HLA-DQA1: variants seen among roughly 807,000 people sequenced by gnomAD.
HLA-DQA1 encodes the protein HLA class II histocompatibility antigen, DQ alpha 1 chain.
In HLA-DQA1, 10 loss-of-function variants were observed where a neutral mutation model predicts 20.7. That is an observed-to-expected ratio of 0.48 (90% confidence interval 0.30 to 0.82). HLA-DQA1 has a LOEUF of 0.82. Among genes scored for constraint, HLA-DQA1 ranks in the 40% least tolerant of loss-of-function variants. The pLI is 0.07. For synonymous variants in HLA-DQA1, 39 were observed against 109.2 expected (o/e 0.36, Z 4.01); for missense variants, 127 against 293.0 (o/e 0.43, Z 4.14).
In HLA-DQA1 at chr6:32,642,788, A is replaced by G. The variant is rs939483506; in HGVS notation, c.*20+4A>G. Reference sequence around the variant, plus strand: ...GAATCCCATCCTGGAAGGGAAGGTAAGATTGAGACTGGTTACAGTTGAAGC... The same window carrying G: ...GAATCCCATCCTGGAAGGGAAGGTAGGATTGAGACTGGTTACAGTTGAAGC... On this transcript the variant is annotated splice_donor_region_variant and intron_variant, in intron 4 of 4. Coordinates refer to ENST00000343139, the MANE Select transcript of HLA-DQA1 (RefSeq NM_002122.5). The G allele has an allele frequency of 7.3e-5, 81 of 1,115,084 alleles. 27 individuals carry two copies. Among genetic ancestry groups the G allele is most frequent in the Non-Finnish European group, 9.7e-5 (77 of 790,656 alleles). The allele number at this position is 1,115,084 out of a possible 1,614,324, so 69.1% of individuals were successfully genotyped here.
At chr6:32,643,951 A>G (rs1781696103), downstream of HLA-DQA1, 1 of 150,438 alleles carries the variant, frequency 6.6e-6, no homozygotes, top group Non-Finnish European at 1.5e-5. Context: ...AAGCTGTACT[A>G]GATAACCATG....
At chr6:32,652,518 C>T in the HLA-DQA1 span, among the ~76,000 whole-genome samples, 1 of 151,648 alleles carries the variant, frequency 6.6e-6, no homozygotes, top group Admixed American at 6.6e-5. Context: ...ATAGCAGTTC[C>T]TTGGCAAGCA....
At chr6:32,652,981 T>TA in the HLA-DQA1 span, among the ~76,000 whole-genome samples, 1 of 149,624 alleles carries the variant, frequency 6.7e-6, no homozygotes, top group East Asian at 2.0e-4. Context: ...GGAAAGGGTT[T>TA]AGGACATTTA....
Position 32,642,375 on chromosome 6 carries a change from C to CTTT in HLA-DQA1, c.613+130_613+132dup, listed in dbSNP as rs202014999. The CTTT allele has an allele frequency of 3.7e-3, 1,765 of 471,030 alleles. 5 individuals are homozygous for CTTT. The highest frequency in any genetic ancestry group is 4.4e-3 in the Non-Finnish European group (1,323 of 301,116). The allele number at this position is 471,030 out of a possible 1,614,324, so 29.2% of individuals were successfully genotyped here. A position where few individuals can be genotyped will look rare whatever the true frequency, so the allele number is the denominator to read the frequency against. ...CTTCATGGGTTTCTTTTCTGTCTCT[C>CTTT]TTTTTTTTTTGAAAGAATAAAGCAA... On this transcript the variant is annotated intron_variant, in intron 3 of 4. Transcript: ENST00000343139.
intron 1 of HLA-DQA1, among the ~76,000 whole-genome samples, chr6:32,640,150 C>T (rs9272618): frequency 0.076 from 6,359 of 83,724 alleles, 887 homozygotes; most frequent in East Asian, 0.17. Flanking sequence ...TGTAGTTTGT[C>T]TTGCTTGGCA....
rs3187964 is a variant in HLA-DQA1, at chr6:32,637,430, C to A, written c.-29C>A. The A allele has an allele frequency of 3.3e-6, 3 of 916,428 alleles. No homozygotes were observed. The highest frequency in any genetic ancestry group is 4.7e-6 in the Non-Finnish European group (3 of 642,728). The allele number at this position is 916,428 out of a possible 1,614,324, so 56.8% of individuals were successfully genotyped here. ...CACAATTACTCTACAGCTCAGAACA[C>A]CAACTGCTGAGGCTGCCTTGGGAAG... is the stretch of plus-strand genomic sequence containing the variant. On this transcript the variant is annotated 5_prime_UTR_variant, in exon 1 of 5. Coordinates refer to ENST00000343139, the MANE Select transcript of HLA-DQA1 (RefSeq NM_002122.5).
downstream of HLA-DQA1, among the ~76,000 whole-genome samples, chr6:32,648,075 G>GCA (rs1342511288): frequency 1.6e-4 from 23 of 146,222 alleles, no homozygotes; most frequent in Admixed American, 4.2e-4. Flanking sequence ...GTTTAGAGAT[G>GCA]GCTTGAAGAA....
chr6:32,638,669 G>T (rs9272518), intron 1 of HLA-DQA1, among the ~76,000 whole-genome samples: 17,568 of 78,732 alleles, frequency 0.22, 4,988 homozygotes, highest in Admixed American at 0.32. Context: ...AGAGAGAGGC[G>T]CTGTCTCAAA....
chr6:32,647,833 CATGGAGTACCA>C (rs1782033730), downstream of HLA-DQA1, among the ~76,000 whole-genome samples: 6 of 151,784 alleles, frequency 4.0e-5, no homozygotes, highest in Admixed American at 3.9e-4. Context: ...CAAAAATGGT[CATGGAGTACCA>C]TTATAGCAAT....
downstream of HLA-DQA1, among the ~76,000 whole-genome samples, chr6:32,649,082 G>A (rs1377626905): frequency 9.3e-5 from 9 of 96,604 alleles, 3 homozygotes; most frequent in Admixed American, 3.8e-4. Context: ...CAAGGGATGT[G>A]AAGGACCTCT....
downstream of HLA-DQA1, chr6:32,646,954 A>G (rs1174974337): frequency 6.6e-6 from 1 of 150,410 alleles, no homozygotes; most frequent in Non-Finnish European, 1.5e-5. Context: ...AAAAACTGAC[A>G]CCGACTGTAT....
the HLA-DQA1 span, among the ~76,000 whole-genome samples, chr6:32,654,115 G>T: frequency 1.3e-5 from 1 of 78,280 alleles, no homozygotes; most frequent in Non-Finnish European, 2.9e-5. Flanking sequence ...AGACCAACTG[G>T]ACAGCATGCT....
Position 32,640,474 on chromosome 6 carries a change from C to G in HLA-DQA1, c.83-836C>G, listed in dbSNP as rs28383408. Among the ~76,000 whole-genome samples the G allele has an allele frequency of 8.8e-3, 666 of 75,406 alleles. 9 individuals carry two copies. Among genetic ancestry groups the G allele is most frequent in the East Asian group, 0.029 (69 of 2,358 alleles). The allele number at this position is 75,406 out of a possible 152,430, so 49.5% of individuals were successfully genotyped here. ...GCCATTCTGCTCTGGCATCCTCAGA[C>G]AAGCACACTGCCCATTAGAGGAAAA... On this transcript the variant is annotated intron_variant, in intron 1 of 4. Coordinates refer to ENST00000343139, the MANE Select transcript of HLA-DQA1 (RefSeq NM_002122.5).
downstream of HLA-DQA1, among the ~76,000 whole-genome samples, chr6:32,651,588 C>CAAAAAAAAAA (rs70996710): frequency 3.9e-3 from 60 of 15,272 alleles, 6 homozygotes; most frequent in African/African-American, 0.01. Flanking sequence ...CGTCTCAAAG[C>CAAAAAAAAAA]AAAAAAAAAA....
At chr6:32,644,400 G>C (rs1052854030), downstream of HLA-DQA1, 2 of 152,176 alleles carry the variant, frequency 1.3e-5, no homozygotes, top group African/African-American at 4.8e-5. Flanking sequence ...TCAGTACTTT[G>C]AAGCTAGTAT....
rs34713112 is a variant in HLA-DQA1 at position 32,640,812 on chromosome 6, T to TAAAAA, written c.83-488_83-484dup. ...AATAAGATCCTGCATGCTTTTCCTT[T>TAAAAA]AAAAAAAAAAAAAAGAAAGATCTCT... On this transcript the variant is annotated intron_variant, in intron 1 of 4. Transcript: ENST00000343139. 2.6e-4 allele frequency among the ~76,000 whole-genome samples: 24 copies of TAAAAA among 93,564 alleles called. 6 individuals are homozygous for TAAAAA. Among genetic ancestry groups the TAAAAA allele is most frequent in the African/African-American group, 3.9e-4 (10 of 25,332 alleles). 61.4% of individuals were successfully genotyped at this position (93,564 alleles called of 152,430 possible).
the HLA-DQA1 span, among the ~76,000 whole-genome samples, chr6:32,654,344 G>A: frequency 8.7e-6 from 1 of 114,726 alleles, no homozygotes; most frequent in African/African-American, 3.0e-5. Flanking sequence ...AATAAGTACT[G>A]GAGATCGACT....
chr6:32,647,603 G>A (rs1561962946), downstream of HLA-DQA1, among the ~76,000 whole-genome samples: 1 of 152,184 alleles, frequency 6.6e-6, no homozygotes, highest in Non-Finnish European at 1.5e-5. Context: ...TCTGTTTGAA[G>A]TTATGTTAGT....
rs2395227 is a variant in HLA-DQA1, at chr6:32,638,158, G to T, written c.82+618G>T. Among the ~76,000 whole-genome samples, 83 of 115,516 alleles carry T rather than the reference G, an allele frequency of 7.2e-4. 1 individual carries two copies. Among genetic ancestry groups the T allele is most frequent in the Middle Eastern group, 5.3e-3 (1 of 190 alleles). The allele number at this position is 115,516 out of a possible 152,430, so 75.8% of individuals were successfully genotyped here. A position where few individuals can be genotyped will look rare whatever the true frequency, so the allele number is the denominator to read the frequency against. ...CACCTCACAAGTAATCAAATAAAAT[G>T]GGCATGTGGCTAAGCTTTGTAAATA... is the stretch of plus-strand genomic sequence containing the variant. On this transcript the variant is annotated intron_variant, in intron 1 of 4. Transcript: ENST00000343139.
Sources: gnomAD v4.1 joint callset for allele counts (sites outside exome capture counted in the v4.1 genomes callset) on GRCh38, gnomAD v4.1.1 for gene constraint, MANE v1.5 for transcripts, NCBI Gene and HGNC (gene_info 2026-07-23, HGNC 2026-07-21) for gene names.